The following AGFG1 variants were observed in gnomAD, a reference collection of about 807,000 sequenced individuals.
AGFG1 encodes arf-GAP domain and FG repeat-containing protein 1.
In AGFG1, 10 loss-of-function variants were observed where a neutral mutation model predicts 60.6. The observed-to-expected ratio is 0.16, with a 90% CI of 0.10 to 0.28. The LOEUF is 0.28. AGFG1 is among the 10% of genes least tolerant of loss of function. The pLI, the probability that AGFG1 is intolerant of heterozygous loss-of-function variation, is 1.00. For synonymous variants in AGFG1, 247 were observed against 242.9 expected, an observed-to-expected ratio of 1.02 and a Z score of -0.16; for missense variants, 537 against 676.5, an observed-to-expected ratio of 0.79 and a Z score of 2.29.
At chr2:227,512,511 ATT>A (rs1691524374) in intron 2 of AGFG1, among the ~76,000 whole-genome samples, 1 of 152,092 alleles carries the variant, frequency 6.6e-6, no homozygotes, top group African/African-American at 2.4e-5. Context: ...TTTTTCCAGT[ATT>A]TTACTTGAGT....
intron 2 of AGFG1, chr2:227,508,177 A>C (rs1269037748): frequency 2.0e-5 from 3 of 153,700 alleles, no homozygotes; most frequent in African/African-American, 7.2e-5. Flanking sequence ...CAATGACTAC[A>C]TTCTAAACCT....
At chr2:227,511,758 T>C (rs1355439291) in intron 2 of AGFG1, among the ~76,000 whole-genome samples, 1 of 152,142 alleles carries the variant, frequency 6.6e-6, no homozygotes, top group African/African-American at 2.4e-5. Context: ...ATACAAATAG[T>C]GTTGAATCAG....
intron 10 of AGFG1, among the ~76,000 whole-genome samples, chr2:227,547,252 G>A (rs1247029954): frequency 6.6e-6 from 1 of 152,118 alleles, no homozygotes; most frequent in Non-Finnish European, 1.5e-5. Flanking sequence ...CTGAGCAAAA[G>A]CAAAGAAAAA....
chr2:227,491,686 GCAGT>G (rs1242455031), intron 2 of AGFG1, 46 bp downstream of exon 2: 1 of 1,215,250 alleles, frequency 8.2e-7, no homozygotes, highest in African/African-American at 1.6e-5. Flanking sequence ...TTTTTTGTTG[GCAGT>G]CATTTTAATG....
chr2:227,517,503 C>G (rs1355108211), intron 2 of AGFG1, among the ~76,000 whole-genome samples: 1 of 152,232 alleles, frequency 6.6e-6, no homozygotes, highest in Non-Finnish European at 1.5e-5. Context: ...ATCTCCTGAC[C>G]TCATGATCCG....
intron 2 of AGFG1, among the ~76,000 whole-genome samples, chr2:227,493,215 A>G (rs1214516066): frequency 3.3e-5 from 5 of 152,150 alleles, no homozygotes; most frequent in Admixed American, 6.5e-5. Context: ...TTAGATGTGC[A>G]GTATTCTATG....
intron 2 of AGFG1, among the ~76,000 whole-genome samples, chr2:227,495,091 C>T (rs1191295970): frequency 2.6e-5 from 4 of 152,130 alleles, no homozygotes; most frequent in Non-Finnish European, 4.4e-5. Flanking sequence ...ATATGTATAT[C>T]ATTAAGTTAC....
intron 2 of AGFG1, among the ~76,000 whole-genome samples, chr2:227,508,803 T>G (rs1276219703): frequency 6.6e-6 from 1 of 152,130 alleles, no homozygotes; most frequent in Non-Finnish European, 1.5e-5. Context: ...TAGTCAATAA[T>G]TAAAGCAACC....
At chr2:227,533,087 C>T (rs780361365) in intron 6 of AGFG1, among the ~76,000 whole-genome samples, 2 of 152,080 alleles carry the variant, frequency 1.3e-5, no homozygotes, top group African/African-American at 4.8e-5. Context: ...TTTGGATCAC[C>T]GTAACACATT....
intron 1 of AGFG1, among the ~76,000 whole-genome samples, chr2:227,484,029 A>G (rs1441614233): frequency 1.3e-5 from 2 of 152,174 alleles, no homozygotes; most frequent in Admixed American, 1.3e-4. Flanking sequence ...AACATTAGGT[A>G]TATCTCCTAA....
At chr2:227,503,155 C>T (rs553021419) in intron 2 of AGFG1, among the ~76,000 whole-genome samples, 3 of 150,844 alleles carry the variant, frequency 2.0e-5, no homozygotes, top group African/African-American at 7.3e-5. Context: ...ATCACCTGAG[C>T]TTTGGGGAGG....
At chr2:227,488,111 C>T (rs1017245265) in intron 1 of AGFG1, among the ~76,000 whole-genome samples, 8 of 152,134 alleles carry the variant, frequency 5.3e-5, no homozygotes, top group Non-Finnish European at 1.2e-4. Flanking sequence ...TGAATAAATC[C>T]TGTAACGAGT....
intron 10 of AGFG1, among the ~76,000 whole-genome samples, chr2:227,548,867 G>A (rs1692732108): frequency 2.0e-5 from 3 of 151,844 alleles, no homozygotes; most frequent in African/African-American, 7.3e-5. Context: ...AACCCGGGAG[G>A]TGGAGCTTGC....
intron 1 of AGFG1, among the ~76,000 whole-genome samples, chr2:227,477,615 T>A (rs573048775): frequency 6.6e-6 from 1 of 152,318 alleles, no homozygotes; most frequent in Non-Finnish European, 1.5e-5. Flanking sequence ...TTTTTTTGTT[T>A]TTATTTTTTG....
At chr2:227,547,660 A>G (rs1575116687) in intron 10 of AGFG1, among the ~76,000 whole-genome samples, 1 of 152,358 alleles carries the variant, frequency 6.6e-6, no homozygotes, top group East Asian at 1.9e-4. Flanking sequence ...CTAAGAAGGT[A>G]TACAGATGGC....
chr2:227,517,878 C>G (rs1691701521), intron 2 of AGFG1, among the ~76,000 whole-genome samples: 1 of 152,160 alleles, frequency 6.6e-6, no homozygotes, highest in African/African-American at 2.4e-5. Context: ...ATAACGTGTA[C>G]ATACTTAAAG....
intron 2 of AGFG1, among the ~76,000 whole-genome samples, chr2:227,505,791 T>A (rs1158105870): frequency 6.6e-6 from 1 of 152,148 alleles, no homozygotes; most frequent in Admixed American, 6.5e-5. Context: ...CAGGCTGGAG[T>A]GCAGTGGCAC....
At chr2:227,507,274 G>A (rs986633808) in intron 2 of AGFG1, among the ~76,000 whole-genome samples, 1 of 152,008 alleles carries the variant, frequency 6.6e-6, no homozygotes, top group Non-Finnish European at 1.5e-5. Context: ...ATAAAAATGC[G>A]GAAGCAGATG....
At chr2:227,515,633 T>C (rs1210045033) in intron 2 of AGFG1, among the ~76,000 whole-genome samples, 1 of 152,116 alleles carries the variant, frequency 6.6e-6, no homozygotes, top group Non-Finnish European at 1.5e-5. Context: ...ATATTCTACC[T>C]ACTTTTACCT....
Sources: allele counts gnomAD v4.1 joint callset (sites outside exome capture counted in the v4.1 genomes callset), GRCh38; gene constraint gnomAD v4.1.1; transcripts MANE v1.5; gene names NCBI Gene and HGNC (gene_info 2026-07-23, HGNC 2026-07-21).